CDPF1: variants seen among roughly 807,000 people sequenced by gnomAD.
CDPF1 encodes cysteine-rich DPF motif domain-containing protein 1.
In CDPF1, 8 loss-of-function variants were observed where a neutral mutation model predicts 8.3. The observed-to-expected ratio is 0.96, with a 90% CI of 0.57 to 1.74. CDPF1 has a LOEUF of 1.74. CDPF1 is among the 40% of genes most tolerant of loss of function. The probability of loss-of-function intolerance (pLI) is 0.00; values close to 1 mark genes in which losing one functional copy is unlikely to be tolerated. For synonymous variants in CDPF1, 62 were observed against 62.9 expected (o/e 0.99, Z 0.07); for missense variants, 151 against 155.3 (o/e 0.97, Z 0.15).
At position 46,245,466 on chromosome 22, in the gene CDPF1, G is replaced by C. The variant is rs1490493227; in HGVS notation, c.226-228C>G. 6.6e-6 allele frequency among the ~76,000 whole-genome samples: 1 copy of C among 152,216 alleles called. No homozygotes were observed. The highest frequency in any genetic ancestry group is 1.5e-5 in the Non-Finnish European group (1 of 68,038). On this transcript the variant is annotated intron_variant, in intron 3 of 3. Transcript: ENST00000314567. The surrounding 1 kb of genome is among the most constrained non-coding windows in gnomAD (Gnocchi z 6.9). ...GCCTGGGCTACCCTGGGTGGGAACAGCTGGGATGGGACAGAAAGACTCTGG... is the reference window on the plus strand; with the variant it reads ...GCCTGGGCTACCCTGGGTGGGAACACCTGGGATGGGACAGAAAGACTCTGG...
In CDPF1 at chr22:46,249,843, A is replaced by G. The variant is rs1936550344; in HGVS notation, c.-1+413T>C. ...GCATTCCAGCCTGGGCGACAGAGCG[A>G]GACTCTGTCTCAAAACAAAAGTTAC... is the stretch of plus-strand genomic sequence containing the variant. On this transcript the variant is annotated intron_variant, in intron 1 of 3. Transcript: ENST00000314567. The surrounding 1 kb of genome is among the most constrained non-coding windows in gnomAD (Gnocchi z 4.6). Among the ~76,000 whole-genome samples the G allele has an allele frequency of 6.6e-6, 1 of 152,112 alleles. No homozygotes were observed. The highest frequency in any genetic ancestry group is 1.5e-5 in the Non-Finnish European group (1 of 68,022).
Position 46,247,842 on chromosome 22 carries a change from C to T in CDPF1, c.113+330G>A, listed in dbSNP as rs1026980649. 2.0e-5 allele frequency among the ~76,000 whole-genome samples: 3 copies of T among 152,238 alleles called. No individual in the cohort carries two copies. The highest frequency in any genetic ancestry group is 4.4e-5 in the Non-Finnish European group (3 of 68,044). On this transcript the variant is annotated intron_variant, in intron 2 of 3. Transcript: ENST00000314567. The surrounding 1 kb of genome is among the most constrained non-coding windows in gnomAD (Gnocchi z 4.3). ...ACCCACTGGCTCTAATCCAGGTCTG[C>T]AGGGGAGACAGGCCTCCCATTAAGA...
chr22:46,247,878 G>A lies in CDPF1; in HGVS notation c.113+294C>T, dbSNP rs1299658897. Among the ~76,000 whole-genome samples, 2 of 152,228 alleles carry A rather than the reference G, an allele frequency of 1.3e-5. No homozygotes were observed. The highest frequency in any genetic ancestry group is 4.8e-5 in the African/African-American group (2 of 41,464). ...GGCCTCCCATTAAGAAAGTGTCATG[G>A]CAAGGGTGCAGCCCCAAAGGGGGAG... On this transcript the variant is annotated intron_variant, in intron 2 of 3. Coordinates refer to ENST00000314567, the MANE Select transcript of CDPF1 (RefSeq NM_207327.5). The surrounding 1 kb of genome is among the most constrained non-coding windows in gnomAD (Gnocchi z 4.3).
Position 46,245,118 on chromosome 22 carries a change from G to T in CDPF1, c.346C>A (p.Pro116Thr). ...CACGTCCGAGAACCGGGCTGGCTGGGGGTCCTCTTTGATGGAGCTTTCCTT... is the reference window on the plus strand; with the variant it reads ...CACGTCCGAGAACCGGGCTGGCTGGTGGTCCTCTTTGATGGAGCTTTCCTT... ...EKRKAPSKRT[P>T]SQPGSRT Residue 116 changes from proline to threonine, a missense_variant, in exon 4 of 4, where the codon CCC (proline) becomes ACC (threonine). Coordinates refer to ENST00000314567, the MANE Select transcript of CDPF1 (RefSeq NM_207327.5). This position sits in a 1 kb window ranked among gnomAD's most constrained non-coding sequence, Gnocchi z 6.9. 1 of 1,614,238 alleles carries T rather than the reference G, an allele frequency of 6.2e-7. No homozygotes were observed. Among genetic ancestry groups the T allele is most frequent in the Non-Finnish European group, 8.5e-7 (1 of 1,180,036 alleles).
chr22:46,248,935 C>T lies in CDPF1; in HGVS notation c.1-651G>A, dbSNP rs1426621913. Among the ~76,000 whole-genome samples the T allele has an allele frequency of 1.3e-5, 2 of 152,172 alleles. No homozygotes were observed. Among genetic ancestry groups the T allele is most frequent in the African/African-American group, 2.4e-5 (1 of 41,440 alleles). ...ATGGGAGTCTGAGGCAGGAGAATGG[C>T]GTGAACCCAGGAGACGGAGCTTGCA... On this transcript the variant is annotated intron_variant, in intron 1 of 3. Transcript: ENST00000314567. The surrounding 1 kb of genome is among the most constrained non-coding windows in gnomAD (Gnocchi z 4.1).
chr22:46,248,543 T>A lies in CDPF1; in HGVS notation c.1-259A>T, dbSNP rs1936526954. Reference sequence around the variant, plus strand: ...AGACAGGATCAAGCCAGAGCACCCATCTCTTCTTCCAGGTCTGCACCACGG... The same window carrying A: ...AGACAGGATCAAGCCAGAGCACCCAACTCTTCTTCCAGGTCTGCACCACGG... On this transcript the variant is annotated intron_variant, in intron 1 of 3. Transcript: ENST00000314567. The surrounding 1 kb of genome is among the most constrained non-coding windows in gnomAD (Gnocchi z 4.1). 6.6e-6 allele frequency among the ~76,000 whole-genome samples: 1 copy of A among 152,192 alleles called. No individual in the cohort carries two copies. The highest frequency in any genetic ancestry group is 2.4e-5 in the African/African-American group (1 of 41,448).
rs1380562398 is a variant in CDPF1 at position 46,247,759 on chromosome 22, T to C, written c.113+413A>G. Among the ~76,000 whole-genome samples the C allele has an allele frequency of 6.6e-6, 1 of 152,188 alleles. No individual in the cohort carries two copies. The highest frequency in any genetic ancestry group is 1.5e-5 in the Non-Finnish European group (1 of 68,028). ...CATGTGAGTAACACACCGGCCAGCT[T>C]TCCAACAAAGTGGCATTTGATGAAG... On this transcript the variant is annotated intron_variant, in intron 2 of 3. Transcript: ENST00000314567. This position sits in a 1 kb window ranked among gnomAD's most constrained non-coding sequence, Gnocchi z 4.3.
Position 46,244,854 on chromosome 22 carries a change from G to A in CDPF1, c.*238C>T. On this transcript the variant is annotated 3_prime_UTR_variant, in exon 4 of 4. Transcript: ENST00000314567. This position sits in a 1 kb window ranked among gnomAD's most constrained non-coding sequence, Gnocchi z 6.7. ...CCCTGAGGGGCATGTGGGGGGACCTGGCCGGGTTCCTGGCTGTGTCTTGTC... is the reference window on the plus strand; with the variant it reads ...CCCTGAGGGGCATGTGGGGGGACCTAGCCGGGTTCCTGGCTGTGTCTTGTC... 2.0e-6 allele frequency: 1 copy of A among 507,288 alleles called. No homozygotes were observed. The highest frequency in any genetic ancestry group is 3.6e-6 in the Non-Finnish European group (1 of 280,152). 31.4% of individuals were successfully genotyped at this position (507,288 alleles called of 1,614,324 possible).
chr22:46,245,018 A>G lies in CDPF1; in HGVS notation c.*74T>C. 6.4e-7 allele frequency: 1 copy of G among 1,568,090 alleles called. No individual in the cohort carries two copies. On this transcript the variant is annotated 3_prime_UTR_variant, in exon 4 of 4. Transcript: ENST00000314567. This position sits in a 1 kb window ranked among gnomAD's most constrained non-coding sequence, Gnocchi z 6.9. The stretch of plus-strand genomic sequence containing the variant: ...GGCCAGGCATGGCGGCTCCCAGCTC[A>G]GCAGCATCCCTGGCGCAGGCTGGCC...
At position 46,248,576 on chromosome 22, in the gene CDPF1, G is replaced by A. The variant is rs1389955976; in HGVS notation, c.1-292C>T. ...TCCAGGTCTGCACCACGGTAAAAGC[G>A]TTCCGGTCTCCTGCTCTGCCCCATT... On this transcript the variant is annotated intron_variant, in intron 1 of 3. Transcript: ENST00000314567. The surrounding 1 kb of genome is among the most constrained non-coding windows in gnomAD (Gnocchi z 4.1). 2.6e-5 allele frequency among the ~76,000 whole-genome samples: 4 copies of A among 152,234 alleles called. No individual in the cohort carries two copies. Among genetic ancestry groups the A allele is most frequent in the East Asian group, 1.9e-4 (1 of 5,196 alleles).
At position 46,249,338 on chromosome 22, in the gene CDPF1, G is replaced by C. The variant is rs1367548987; in HGVS notation, c.-1+918C>G. On this transcript the variant is annotated intron_variant, in intron 1 of 3. Coordinates refer to ENST00000314567, the MANE Select transcript of CDPF1 (RefSeq NM_207327.5). The surrounding 1 kb of genome is among the most constrained non-coding windows in gnomAD (Gnocchi z 4.6). ...CCCAGATGCAACTCCAGGAAGCATG[G>C]GTTACCAGTGACTTTAAAAGTTAAG... Among the ~76,000 whole-genome samples, 8 of 152,132 alleles carry C rather than the reference G, an allele frequency of 5.3e-5. No individual in the cohort carries two copies. Among genetic ancestry groups the C allele is most frequent in the Admixed American group, 4.6e-4 (7 of 15,280 alleles).
rs1319335438 is a variant in CDPF1 at position 46,245,645 on chromosome 22, C to T, written c.226-407G>A. The stretch of plus-strand genomic sequence containing the variant: ...GCGGCAGGGGACAGGAAGGACAGCC[C>T]CACAGACCAAAGACGCCATGGACGA... On this transcript the variant is annotated intron_variant, in intron 3 of 3. Transcript: ENST00000314567. This position sits in a 1 kb window ranked among gnomAD's most constrained non-coding sequence, Gnocchi z 6.9. 1.3e-5 allele frequency among the ~76,000 whole-genome samples: 2 copies of T among 152,216 alleles called. No individual in the cohort carries two copies. Among genetic ancestry groups the T allele is most frequent in the Non-Finnish European group, 2.9e-5 (2 of 68,034 alleles).
At position 46,246,682 on chromosome 22, in the gene CDPF1, G is replaced by A; in HGVS notation, c.225+428C>T. The stretch of plus-strand genomic sequence containing the variant: ...TATAATACTGCTTTACCTGACTAAG[G>A]GGCAGGACTGAATGAAGCCTCAGCA... On this transcript the variant is annotated intron_variant, in intron 3 of 3. Transcript: ENST00000314567. The surrounding 1 kb of genome is among the most constrained non-coding windows in gnomAD (Gnocchi z 7.1). 2 of 1,581,494 alleles carry A rather than the reference G, an allele frequency of 1.3e-6. No individual in the cohort carries two copies. The highest frequency in any genetic ancestry group is 1.7e-6 in the Non-Finnish European group (2 of 1,164,198).
In CDPF1 at chr22:46,245,904, G is replaced by A. The variant is rs775753805; in HGVS notation, c.226-666C>T. Among the ~76,000 whole-genome samples, 8 of 152,176 alleles carry A rather than the reference G, an allele frequency of 5.3e-5. No homozygotes were observed. The highest frequency in any genetic ancestry group is 4.1e-4 in the South Asian group (2 of 4,830). ...TTGAAGGCATGGACTGTGCTCTCAC[G>A]TCCCTTCCCGCTGCCTGGGATGCAA... On this transcript the variant is annotated intron_variant, in intron 3 of 3. Coordinates refer to ENST00000314567, the MANE Select transcript of CDPF1 (RefSeq NM_207327.5). The surrounding 1 kb of genome is among the most constrained non-coding windows in gnomAD (Gnocchi z 6.9).
In CDPF1 at chr22:46,246,999, C is replaced by A; in HGVS notation, c.225+111G>T. 1 of 1,254,180 alleles carries A rather than the reference C, an allele frequency of 8.0e-7. No homozygotes were observed. The highest frequency in any genetic ancestry group is 1.1e-6 in the Non-Finnish European group (1 of 894,088). The allele number at this position is 1,254,180 out of a possible 1,614,324, so 77.7% of individuals were successfully genotyped here. On this transcript the variant is annotated intron_variant, in intron 3 of 3. Transcript: ENST00000314567. This position sits in a 1 kb window ranked among gnomAD's most constrained non-coding sequence, Gnocchi z 7.1. ...CCCTTCATCAGCTGAGGGGCCCCATCTATAATGGGGTGAACCCGCTGCTCC... is the reference window on the plus strand; with the variant it reads ...CCCTTCATCAGCTGAGGGGCCCCATATATAATGGGGTGAACCCGCTGCTCC...
At position 46,248,639 on chromosome 22, in the gene CDPF1, G is replaced by T. The variant is rs995662007; in HGVS notation, c.1-355C>A. On this transcript the variant is annotated intron_variant, in intron 1 of 3. Coordinates refer to ENST00000314567, the MANE Select transcript of CDPF1 (RefSeq NM_207327.5). This position sits in a 1 kb window ranked among gnomAD's most constrained non-coding sequence, Gnocchi z 4.1. ...CCCCCAGTGAACGCTGGTGGAGAAG[G>T]GCCCAGAGTGGGTGCAAAATCTCCT... Among the ~76,000 whole-genome samples the T allele has an allele frequency of 2.0e-5, 3 of 152,168 alleles. No homozygotes were observed. The highest frequency in any genetic ancestry group is 7.2e-5 in the African/African-American group (3 of 41,432).
In CDPF1 at chr22:46,246,790, G is replaced by C; in HGVS notation, c.225+320C>G. On this transcript the variant is annotated intron_variant, in intron 3 of 3. Transcript: ENST00000314567. The surrounding 1 kb of genome is among the most constrained non-coding windows in gnomAD (Gnocchi z 7.1). ...TCCCTTCTCCTGGAGATCCCTCCAA[G>C]AACATCTAGAAAGTAAGTCACCATC... 6.3e-7 allele frequency: 1 copy of C among 1,591,660 alleles called. No homozygotes were observed. The highest frequency in any genetic ancestry group is 8.5e-7 in the Non-Finnish European group (1 of 1,169,618).
In CDPF1 at chr22:46,247,409, G is replaced by T. The variant is rs143683576; in HGVS notation, c.114-188C>A. On this transcript the variant is annotated intron_variant, in intron 2 of 3. Coordinates refer to ENST00000314567, the MANE Select transcript of CDPF1 (RefSeq NM_207327.5). This position sits in a 1 kb window ranked among gnomAD's most constrained non-coding sequence, Gnocchi z 4.3. The stretch of plus-strand genomic sequence containing the variant: ...TGACAGAAAGGATCAGCAATTGGGG[G>T]CCACACTGGCACTGAAATTGAACCT... 1.4e-3 allele frequency among the ~76,000 whole-genome samples: 213 copies of T among 152,286 alleles called. No homozygotes were observed. The highest frequency in any genetic ancestry group is 4.8e-3 in the African/African-American group (201 of 41,556).
At position 46,246,584 on chromosome 22, in the gene CDPF1, A is replaced by G; in HGVS notation, c.225+526T>C. 2.7e-6 allele frequency: 4 copies of G among 1,470,366 alleles called. No individual in the cohort carries two copies. The highest frequency in any genetic ancestry group is 2.5e-5 in the East Asian group (1 of 40,282). 91.1% of individuals were successfully genotyped at this position (1,470,366 alleles called of 1,614,324 possible). The stretch of plus-strand genomic sequence containing the variant: ...TCCACTTCCATCCGTCCTTGGGTTT[A>G]CAGCTACCCAGGTGAACCTGGCCCA... On this transcript the variant is annotated intron_variant, in intron 3 of 3. Transcript: ENST00000314567. The surrounding 1 kb of genome is among the most constrained non-coding windows in gnomAD (Gnocchi z 7.1).
Sources: allele counts gnomAD v4.1 joint callset (sites outside exome capture counted in the v4.1 genomes callset), GRCh38; gene constraint gnomAD v4.1.1; non-coding constraint Gnocchi (gnomAD v3.1); transcripts MANE v1.5; gene names NCBI Gene and HGNC (gene_info 2026-07-23, HGNC 2026-07-21).